The following ANKDD1B variants were observed in gnomAD, a reference collection of about 807,000 sequenced individuals.
ANKDD1B encodes ankyrin repeat and death domain containing 1B, also known as ankyrin repeat and death domain-containing protein 1B.
Under a neutral mutation model 59.7 loss-of-function variants are expected in ANKDD1B, and 57 were observed. The observed-to-expected ratio is 0.95, with a 90% CI of 0.77 to 1.19. ANKDD1B has a LOEUF of 1.19. ANKDD1B is among the 50% of genes most tolerant of loss of function. The probability of loss-of-function intolerance (pLI) is 0.00; values close to 1 mark genes in which losing one functional copy is unlikely to be tolerated. For missense variants in ANKDD1B, 602 were observed against 641.9 expected (o/e 0.94, Z 0.67); for synonymous variants, 216 against 239.5 (o/e 0.90, Z 0.91).
chr5:75,645,006 C>T (rs1204313960), intron 7 of ANKDD1B, among the ~76,000 whole-genome samples: 3 of 134,178 alleles, frequency 2.2e-5, no homozygotes, highest in Non-Finnish European at 4.4e-5. Context: ...CTATTGGGTA[C>T]ATAATGAAAT....
In ANKDD1B at chr5:75,633,007, T is replaced by C. The variant is rs576216080; in HGVS notation, c.601-1891T>C. ...ATAATCACTGTCTCTTGTTCCCTCT[T>C]TTTGATTTGTTTACATGAAACTTTA... On this transcript the variant is annotated intron_variant, in intron 5 of 13. Coordinates refer to ENST00000601380, the MANE Select transcript of ANKDD1B (RefSeq NM_001276713.2). Among the ~76,000 whole-genome samples the C allele has an allele frequency of 3.3e-5, 5 of 152,284 alleles. No individual in the cohort carries two copies. In the South Asian group the frequency reaches 1.0e-3, roughly 32 times the overall value.
chr5:75,623,016 T>A (rs1773896687), intron 3 of ANKDD1B, among the ~76,000 whole-genome samples: 1 of 152,186 alleles, frequency 6.6e-6, no homozygotes, highest in Non-Finnish European at 1.5e-5. Context: ...AGGAATTACC[T>A]TTTAGGGAAA....
chr5:75,641,856 A>G (rs1774473644), intron 7 of ANKDD1B, among the ~76,000 whole-genome samples: 1 of 152,242 alleles, frequency 6.6e-6, no homozygotes, highest in African/African-American at 2.4e-5. Context: ...GAAATAATTT[A>G]AAAGGCAGAA....
chr5:75,621,014 A>G (rs896356888), intron 3 of ANKDD1B, among the ~76,000 whole-genome samples: 2 of 152,148 alleles, frequency 1.3e-5, no homozygotes, highest in African/African-American at 4.8e-5. Flanking sequence ...ACAAGAGAAC[A>G]TTTGGATTCT....
intron 5 of ANKDD1B, among the ~76,000 whole-genome samples, chr5:75,629,188 T>TA (rs985641829): frequency 6.6e-6 from 1 of 152,226 alleles, no homozygotes; most frequent in Non-Finnish European, 1.5e-5. Context: ...TCAAATCTAT[T>TA]GTTTCCCATC....
intron 7 of ANKDD1B, among the ~76,000 whole-genome samples, chr5:75,649,967 A>G (rs1774785932): frequency 6.6e-6 from 1 of 152,220 alleles, no homozygotes; most frequent in Non-Finnish European, 1.5e-5. Context: ...AGTGCCTGGC[A>G]CAAAATAAGT....
In ANKDD1B at chr5:75,637,270, A is replaced by G. The variant is rs1200823926; in HGVS notation, c.798+1388A>G. On this transcript the variant is annotated intron_variant, in intron 7 of 13. Transcript: ENST00000601380. ...AAAAAAAAAAAAAAAAAAAAAAAAA[A>G]AAAGAAAGAAAAAAGAAACTGGTTC... Among the ~76,000 whole-genome samples, 55 of 141,974 alleles carry G rather than the reference A, an allele frequency of 3.9e-4. 1 individual carries two copies. The highest frequency in any genetic ancestry group is 3.1e-3 in the South Asian group (14 of 4,584). The allele number at this position is 141,974 out of a possible 152,430, so 93.1% of individuals were successfully genotyped here.
intron 7 of ANKDD1B, among the ~76,000 whole-genome samples, chr5:75,648,253 T>TAAAAAAAAATTA (rs1774699721): frequency 2.7e-5 from 1 of 37,294 alleles, no homozygotes; most frequent in Non-Finnish European, 5.3e-5. Flanking sequence ...AAAGTATAAT[T>TAAAAAAAAATTA]AAAAAAAAAA....
chr5:75,648,253 T>TAAAAAAAAAAAAATA (rs1192638336), intron 7 of ANKDD1B, among the ~76,000 whole-genome samples: 1 of 37,292 alleles, frequency 2.7e-5, no homozygotes, highest in African/African-American at 9.5e-5. Flanking sequence ...AAAGTATAAT[T>TAAAAAAAAAAAAATA]AAAAAAAAAA....
intron 3 of ANKDD1B, among the ~76,000 whole-genome samples, chr5:75,620,944 C>T: frequency 6.6e-6 from 1 of 152,188 alleles, no homozygotes; most frequent in South Asian, 2.1e-4. Flanking sequence ...TGTGGTCTCC[C>T]CGCTCTGCTG....
chr5:75,671,334 A>G lies in ANKDD1B; in HGVS notation c.*294A>G, dbSNP rs1203524247. The G allele has an allele frequency of 4.5e-6, 1 of 222,728 alleles. No individual in the cohort carries two copies. The highest frequency in any genetic ancestry group is 5.7e-5 in the Admixed American group (1 of 17,446). The allele number at this position is 222,728 out of a possible 1,614,324, so 13.8% of individuals were successfully genotyped here. Reference sequence around the variant, plus strand: ...GTTTTGTATGTCATGTTTTTTTAAAAAACTCATGGGAGCAGCATCATGGTA... The same window carrying G: ...GTTTTGTATGTCATGTTTTTTTAAAGAACTCATGGGAGCAGCATCATGGTA... On this transcript the variant is annotated 3_prime_UTR_variant, in exon 14 of 14. Coordinates refer to ENST00000601380, the MANE Select transcript of ANKDD1B (RefSeq NM_001276713.2).
At chr5:75,665,896 C>T (rs1231346642) in intron 11 of ANKDD1B, among the ~76,000 whole-genome samples, 1 of 152,050 alleles carries the variant, frequency 6.6e-6, no homozygotes, top group African/African-American at 2.4e-5. Context: ...TAAGATACAC[C>T]TCTATTTAAG....
rs1442385812 is a variant in ANKDD1B at position 75,638,617 on chromosome 5, A to G, written c.798+2735A>G. Among the ~76,000 whole-genome samples the G allele has an allele frequency of 2.6e-5, 4 of 152,188 alleles. No homozygotes were observed. The South Asian group carries it at 8.3e-4, about 32-fold the overall frequency. On this transcript the variant is annotated intron_variant, in intron 7 of 13. Transcript: ENST00000601380. ...AAATTCAAGATAAAAAATAAATAGCAGTTTTGTATTTTCTCTAAACTCAAA... is the reference window on the plus strand; with the variant it reads ...AAATTCAAGATAAAAAATAAATAGCGGTTTTGTATTTTCTCTAAACTCAAA...
intron 6 of ANKDD1B, 180 bp from the exon 7 acceptor site, chr5:75,635,604 T>G (rs1774278200): frequency 2.5e-6 from 1 of 403,234 alleles, no homozygotes; most frequent in East Asian, 3.6e-5. Context: ...ACTATACCTT[T>G]TTATTTAAAA....
intron 5 of ANKDD1B, among the ~76,000 whole-genome samples, chr5:75,627,970 CAG>C (rs537835407): frequency 1.0e-3 from 152 of 152,278 alleles, no homozygotes; most frequent in African/African-American, 3.4e-3. Flanking sequence ...CAGCAAACTG[CAG>C]AGAGTAATGT....
At chr5:75,648,652 T>C (rs554874976) in intron 7 of ANKDD1B, among the ~76,000 whole-genome samples, 39 of 152,264 alleles carry the variant, frequency 2.6e-4, no homozygotes, top group Middle Eastern at 3.4e-3. Flanking sequence ...TTAGAATTTT[T>C]CCCGAGTTCA....
chr5:75,658,968 A>G (rs1427078199), intron 9 of ANKDD1B, among the ~76,000 whole-genome samples: 1 of 152,162 alleles, frequency 6.6e-6, no homozygotes, highest in Non-Finnish European at 1.5e-5. Context: ...CCTGGGAACC[A>G]CCATTCTACT....
At chr5:75,635,733 G>A in intron 6 of ANKDD1B, 51 bp from the exon 7 acceptor site, 1 of 1,212,810 alleles carries the variant, frequency 8.2e-7, no homozygotes, top group Non-Finnish European at 1.2e-6. Context: ...TATTGAAGGA[G>A]CATGCTCTCC....
chr5:75,622,869 T>C (rs1773890965), intron 3 of ANKDD1B, among the ~76,000 whole-genome samples: 1 of 152,302 alleles, frequency 6.6e-6, no homozygotes, highest in East Asian at 1.9e-4. Context: ...TGAGCGGTGA[T>C]TCATTGCCTC....
Sources: gnomAD v4.1 joint callset for allele counts (sites outside exome capture counted in the v4.1 genomes callset) on GRCh38, gnomAD v4.1.1 for gene constraint, MANE v1.5 for transcripts, NCBI Gene and HGNC (gene_info 2026-07-23, HGNC 2026-07-21) for gene names.